CPEB1: variants seen among roughly 807,000 people sequenced by gnomAD.
The protein encoded by CPEB1 is cytoplasmic polyadenylation element binding protein 1.
CPEB1 carries 7 observed loss-of-function variants against 65.8 expected under a neutral mutation model. The ratio of observed to expected loss-of-function variants is 0.11; its 90% CI spans 0.06 to 0.20. CPEB1 has a LOEUF of 0.20. CPEB1 is among the 10% of genes least tolerant of loss of function. The probability of loss-of-function intolerance (pLI) is 1.00; values close to 1 mark genes in which losing one functional copy is unlikely to be tolerated. For synonymous variants in CPEB1, 262 were observed against 260.0 expected (o/e 1.01, Z -0.08); for missense variants, 551 against 712.2 (o/e 0.77, Z 2.58).
chr15:82,605,223 A>C (rs1372512873), intron 3 of CPEB1, among the ~76,000 whole-genome samples: 2 of 152,198 alleles, frequency 1.3e-5, no homozygotes, highest in Non-Finnish European at 2.9e-5. Context: ...CCCCTACAAC[A>C]AATACTAAAG....
intron 3 of CPEB1, among the ~76,000 whole-genome samples, chr15:82,580,626 GCTTT>G (rs1382053035): frequency 2.6e-5 from 4 of 152,016 alleles, no homozygotes; most frequent in Non-Finnish European, 4.4e-5. Context: ...CACCTCTAGA[GCTTT>G]TTTTACGCTA....
At chr15:82,573,270 T>G (rs1402045117) in intron 3 of CPEB1, 1 of 998,930 alleles carries the variant, frequency 1.0e-6, no homozygotes, top group African/African-American at 1.6e-5. Flanking sequence ...TGCTGTGTCA[T>G]CCATCCACGT....
At chr15:82,645,687 C>A (rs1316989696) in intron 1 of CPEB1, among the ~76,000 whole-genome samples, 1 of 151,796 alleles carries the variant, frequency 6.6e-6, no homozygotes, top group African/African-American at 2.4e-5. Flanking sequence ...GGCTAACATG[C>A]TGAAACCCCA....
intron 3 of CPEB1, among the ~76,000 whole-genome samples, chr15:82,616,231 T>C (rs2044694164): frequency 6.6e-6 from 1 of 152,212 alleles, no homozygotes; most frequent in Admixed American, 6.5e-5. Flanking sequence ...TGTATTTGTT[T>C]TGTGACAATT....
chr15:82,547,245 AAC>A lies in CPEB1; in HGVS notation c.1481-10_1481-9del, dbSNP rs1157465920. 2 of 1,564,552 alleles carry A rather than the reference AAC, an allele frequency of 1.3e-6. No individual in the cohort carries two copies. Among genetic ancestry groups the A allele is most frequent in the South Asian group, 2.3e-5 (2 of 88,656 alleles). Reference sequence around the variant, plus strand: ...AAGTCACACGACCAGAACCTAGGACAACAGACACAAGCTTCCCTTCTAACCAA... The same window carrying A: ...AAGTCACACGACCAGAACCTAGGACAAGACACAAGCTTCCCTTCTAACCAA... On this transcript the variant is annotated splice_polypyrimidine_tract_variant and intron_variant, in intron 10 of 12. Transcript: ENST00000684509.
At chr15:82,607,058 G>A (rs962582932) in intron 3 of CPEB1, among the ~76,000 whole-genome samples, 47 of 152,174 alleles carry the variant, frequency 3.1e-4, no homozygotes, top group Non-Finnish European at 5.3e-4. Context: ...AATGTCATAG[G>A]ATTTTATACT....
At chr15:82,647,689 C>T, upstream of CPEB1, 1 of 469,752 alleles carries the variant, frequency 2.1e-6, no homozygotes, top group Non-Finnish European at 3.3e-6. Context: ...CCCTCCACCC[C>T]TCCACGAGGC....
At chr15:82,633,045 C>A (rs2046387300) in intron 1 of CPEB1, 1 of 152,128 alleles carries the variant, frequency 6.6e-6, no homozygotes, top group Non-Finnish European at 1.5e-5. Context: ...AGTTCCTGCC[C>A]TTATTTTCAG....
intron 3 of CPEB1, among the ~76,000 whole-genome samples, chr15:82,606,062 A>C (rs1194077601): frequency 6.6e-6 from 1 of 152,218 alleles, no homozygotes; most frequent in Non-Finnish European, 1.5e-5. Flanking sequence ...TATTTGTAAT[A>C]CATTAACAGC....
chr15:82,570,284 C>T (rs947428761), intron 4 of CPEB1, among the ~76,000 whole-genome samples: 8 of 152,052 alleles, frequency 5.3e-5, no homozygotes, highest in Non-Finnish European at 7.4e-5. Flanking sequence ...TACCTTGCTG[C>T]CATGGCTGCC....
rs1567174322 is a variant in CPEB1, at chr15:82,556,047, C to T, written c.763G>A (p.Gly255Arg). ...TCTTGGTCCATCCGAGACCCTACCC[C>T]CATCTTTAAAGGGTCTCTGGGACCA... ...GGGPRDPLKM[G>R]VGSRMDQEQA... Residue 255 changes from glycine (G) to arginine (R), a missense_variant, in exon 6 of 13, where the codon GGG (glycine) becomes AGG (arginine). Around this residue, in one of 6 missense-constraint regions of CPEB1, gnomAD observed 128 missense variants for 129.1 expected, o/e 0.99. Coordinates refer to ENST00000684509, the MANE Select transcript of CPEB1 (RefSeq NM_001365242.1). The T allele has an allele frequency of 6.2e-7, 1 of 1,612,734 alleles. No homozygotes were observed.
At position 82,602,766 on chromosome 15, in the gene CPEB1, A is replaced by T. The variant is rs143723357; in HGVS notation, c.271+24427T>A. On this transcript the variant is annotated intron_variant, in intron 3 of 12. Transcript: ENST00000684509. ...GAGGCTGAGACAGAAGAATCGCTTG[A>T]ACCCGGGAGGCGGAGGTTACAGTGA... 7.5e-3 allele frequency among the ~76,000 whole-genome samples: 1,139 copies of T among 152,294 alleles called. 13 individuals carry two copies. The highest frequency in any genetic ancestry group is 8.5e-3 in the Non-Finnish European group (575 of 68,028).
chr15:82,564,367 G>A (rs935212011), intron 4 of CPEB1, among the ~76,000 whole-genome samples: 1 of 152,052 alleles, frequency 6.6e-6, no homozygotes, highest in African/African-American at 2.4e-5. Flanking sequence ...CTCACTGCAA[G>A]CTCTGCCTCC....
rs1384668319 is a variant in CPEB1, at chr15:82,555,864, A to T, written c.940+6T>A. On this transcript the variant is annotated splice_donor_region_variant and intron_variant, in intron 6 of 12. Coordinates refer to ENST00000684509, the MANE Select transcript of CPEB1 (RefSeq NM_001365242.1). ...CAGGCCTCACACATGCTCAAGGCAC[A>T]CTCACCTGCAGCTTGTCGGTGCAGC... 2 of 1,607,566 alleles carry T rather than the reference A, an allele frequency of 1.2e-6. No individual in the cohort carries two copies. The highest frequency in any genetic ancestry group is 1.7e-6 in the Non-Finnish European group (2 of 1,177,950).
chr15:82,560,263 G>C (rs1201822145), intron 4 of CPEB1, among the ~76,000 whole-genome samples: 2 of 152,192 alleles, frequency 1.3e-5, no homozygotes, highest in Non-Finnish European at 2.9e-5. Context: ...TCTTAAAAGT[G>C]GTACCAATGC....
rs575946827 is a variant in CPEB1, at chr15:82,609,462, C to T, written c.271+17731G>A. On this transcript the variant is annotated intron_variant, in intron 3 of 12. Transcript: ENST00000684509. ...GCTGCAGTGAGCTGTGATCACGCCA[C>T]TGCACTCCAGCCTGGGCAACAGAGC... Among the ~76,000 whole-genome samples, 18 of 151,758 alleles carry T rather than the reference C, an allele frequency of 1.2e-4. No homozygotes were observed. In the South Asian group the frequency reaches 2.5e-3, roughly 21 times the overall value.
At chr15:82,599,979 TAC>T (rs1352820129) in intron 3 of CPEB1, among the ~76,000 whole-genome samples, 1 of 152,018 alleles carries the variant, frequency 6.6e-6, no homozygotes, top group African/African-American at 2.4e-5. Context: ...AATATTTAAT[TAC>T]AGAGTCCCAA....
chr15:82,642,914 G>A (rs1466202898), intron 1 of CPEB1, among the ~76,000 whole-genome samples: 1 of 152,126 alleles, frequency 6.6e-6, no homozygotes, highest in Non-Finnish European at 1.5e-5. Context: ...GTGCATTTCT[G>A]TCTCAAACTG....
intron 3 of CPEB1, among the ~76,000 whole-genome samples, chr15:82,579,986 G>A (rs1346823100): frequency 1.6e-4 from 13 of 81,694 alleles, no homozygotes; most frequent in Admixed American, 2.8e-4. Flanking sequence ...ATTACATTAA[G>A]ATAAAACTCA....
Sources: gnomAD v4.1 joint callset for allele counts (sites outside exome capture counted in the v4.1 genomes callset) on GRCh38, gnomAD v4.1.1 for gene constraint, gnomAD v4.1.1 regional missense constraint, MANE v1.5 for transcripts, NCBI Gene and HGNC (gene_info 2026-07-23, HGNC 2026-07-21) for gene names.